TBC1D2B: variants seen among roughly 807,000 people sequenced by gnomAD.
TBC1D2B encodes the protein TBC1 domain family member 2B.
A neutral mutation model predicts 100.8 loss-of-function variants in TBC1D2B; 64 were observed. The observed-to-expected ratio is 0.64, with a 90% CI of 0.52 to 0.78. The LOEUF (loss-of-function observed/expected upper bound fraction) is 0.78. TBC1D2B is among the 30% of genes least tolerant of loss of function. The pLI is 0.00. For synonymous variants in TBC1D2B, 480 were observed against 479.7 expected (o/e 1.00, Z -0.01); for missense variants, 1,052 against 1,218.4 (o/e 0.86, Z 2.03).
Position 77,998,047 on chromosome 15 carries a change from T to C in TBC1D2B, c.*113A>G. ...GAAGGGCAGCCTGGCTTGGGACATCTGCCCAGCAGATCCCCAGAGGACACA... is the reference window on the plus strand; with the variant it reads ...GAAGGGCAGCCTGGCTTGGGACATCCGCCCAGCAGATCCCCAGAGGACACA... On this transcript the variant is annotated 3_prime_UTR_variant, in exon 13 of 13. Coordinates refer to ENST00000300584, the MANE Select transcript of TBC1D2B (RefSeq NM_144572.2). 1.8e-6 allele frequency: 2 copies of C among 1,099,886 alleles called. No individual in the cohort carries two copies. Among genetic ancestry groups the C allele is most frequent in the Non-Finnish European group, 2.5e-6 (2 of 798,442 alleles). 68.1% of individuals were successfully genotyped at this position (1,099,886 alleles called of 1,614,324 possible).
chr15:78,011,275 C>A (rs1011214405), intron 9 of TBC1D2B, among the ~76,000 whole-genome samples: 2 of 152,096 alleles, frequency 1.3e-5, no homozygotes, highest in African/African-American at 4.8e-5. Context: ...AAAATCCTTT[C>A]TTCCTGCAGT....
chr15:78,039,748 T>C (rs1398322960), intron 3 of TBC1D2B, among the ~76,000 whole-genome samples: 1 of 101,726 alleles, frequency 9.8e-6, no homozygotes, highest in Non-Finnish European at 2.0e-5. Flanking sequence ...TAGAGAGGCT[T>C]ACTACACACA....
At chr15:78,044,142 G>A (rs1262772148) in intron 3 of TBC1D2B, among the ~76,000 whole-genome samples, 1 of 152,104 alleles carries the variant, frequency 6.6e-6, no homozygotes, top group Admixed American at 6.5e-5. Flanking sequence ...AGAAGGAACT[G>A]CTAATGTAAT....
chr15:78,050,190 C>T (rs2073283869), intron 2 of TBC1D2B, among the ~76,000 whole-genome samples: 1 of 152,006 alleles, frequency 6.6e-6, no homozygotes. Context: ...CTGAAAGTTA[C>T]AGCTACTCCT....
intron 1 of TBC1D2B, among the ~76,000 whole-genome samples, chr15:78,061,335 G>A (rs956061014): frequency 6.6e-6 from 1 of 152,046 alleles, no homozygotes; most frequent in African/African-American, 2.4e-5. Context: ...CACTTTGGGA[G>A]GCAGAGGCAG....
intron 1 of TBC1D2B, among the ~76,000 whole-genome samples, chr15:78,066,546 C>T (rs2073661082): frequency 6.6e-6 from 1 of 152,174 alleles, no homozygotes; most frequent in Admixed American, 6.5e-5. Context: ...GGGACGAACC[C>T]CACAATCTGC....
chr15:78,053,212 C>T (rs1013609078), intron 2 of TBC1D2B, among the ~76,000 whole-genome samples: 2 of 152,164 alleles, frequency 1.3e-5, no homozygotes, highest in Admixed American at 6.5e-5. Flanking sequence ...GAGGGTCCCA[C>T]GGGTTTTAGG....
At chr15:78,014,477 T>C (rs563804396) in intron 8 of TBC1D2B, among the ~76,000 whole-genome samples, 14 of 152,320 alleles carry the variant, frequency 9.2e-5, no homozygotes, top group African/African-American at 3.4e-4. Flanking sequence ...CACATGGGAA[T>C]ATGGACCATG....
At chr15:78,043,401 C>T (rs1171391437) in intron 3 of TBC1D2B, among the ~76,000 whole-genome samples, 1 of 152,044 alleles carries the variant, frequency 6.6e-6, no homozygotes, top group African/African-American at 2.4e-5. Flanking sequence ...TCTCTTTTTT[C>T]ATTTTTTCTT....
intron 7 of TBC1D2B, 115 bp from the exon 8 acceptor site, chr15:78,016,854 G>A: frequency 1.2e-6 from 1 of 804,708 alleles, no homozygotes; most frequent in South Asian, 2.0e-5. Flanking sequence ...GTGAGCCAGA[G>A]ACAGACTGTA....
intron 3 of TBC1D2B, among the ~76,000 whole-genome samples, chr15:78,040,921 CAGGG>C (rs1395566771): frequency 4.0e-5 from 3 of 75,658 alleles, no homozygotes; most frequent in African/African-American, 8.3e-5. Flanking sequence ...AAAAGGGAGG[CAGGG>C]AGGGAGGAAG....
At position 78,017,964 on chromosome 15, in the gene TBC1D2B, G is replaced by GAAA; in HGVS notation, c.1471-10_1471-8dup. ...TGTACCCCTGTAGATTATCCTGTTA[G>GAAA]AAAAAAAAAAAATCCCTGAATTCAC... On this transcript the variant is annotated splice_region_variant and splice_polypyrimidine_tract_variant and intron_variant, in intron 6 of 12. Coordinates refer to ENST00000300584, the MANE Select transcript of TBC1D2B (RefSeq NM_144572.2). The GAAA allele has an allele frequency of 2.5e-6, 3 of 1,182,052 alleles. No homozygotes were observed. Among genetic ancestry groups the GAAA allele is most frequent in the Admixed American group, 2.6e-5 (1 of 37,934 alleles). 73.2% of individuals were successfully genotyped at this position (1,182,052 alleles called of 1,614,324 possible). A position where few individuals can be genotyped will look rare whatever the true frequency, so the allele number is the denominator to read the frequency against.
At chr15:78,018,466 A>G (rs1337204265) in intron 6 of TBC1D2B, among the ~76,000 whole-genome samples, 2 of 152,260 alleles carry the variant, frequency 1.3e-5, no homozygotes, top group Non-Finnish European at 2.9e-5. Context: ...CCTAAAACGT[A>G]TAAGGCACGT....
intron 1 of TBC1D2B, among the ~76,000 whole-genome samples, chr15:78,057,273 A>G (rs1335008599): frequency 2.0e-5 from 3 of 152,176 alleles, no homozygotes; most frequent in African/African-American, 7.2e-5. Context: ...AATTTGGTCA[A>G]TAAGATGGGC....
In TBC1D2B at chr15:78,024,232, G is replaced by A. The variant is rs1325948303; in HGVS notation, c.1394C>T (p.Pro465Leu). The stretch of plus-strand genomic sequence containing the variant: ...GGAGCTGGGCGCCACGGTGGGAGGA[G>A]GCCCGTTGCCCTCGCCCTCGCTGAG... ...IKLSEGEGNGPPPTVAPSSPS... is the reference protein window; with the variant it reads ...IKLSEGEGNGLPPTVAPSSPS... The change falls in exon 6 of 13, where the codon CCT (proline) becomes CTT (leucine). Residue 465 changes from proline (P) to leucine (L), a missense_variant. Around this residue, in one of 4 missense-constraint regions of TBC1D2B, gnomAD observed 627 missense variants for 646.1 expected, o/e 0.97. Coordinates refer to ENST00000300584, the MANE Select transcript of TBC1D2B (RefSeq NM_144572.2). 1 of 1,613,828 alleles carries A rather than the reference G, an allele frequency of 6.2e-7. No individual in the cohort carries two copies. The highest frequency in any genetic ancestry group is 1.3e-5 in the African/African-American group (1 of 74,946).
intron 10 of TBC1D2B, among the ~76,000 whole-genome samples, chr15:78,006,581 G>A (rs536839470): frequency 4.9e-4 from 75 of 152,340 alleles, no homozygotes; most frequent in African/African-American, 1.8e-3. Flanking sequence ...CTAGGAGGCC[G>A]TGGGCACAGA....
At position 78,077,533 on chromosome 15, in the gene TBC1D2B, A is replaced by C; in HGVS notation, c.120T>G (p.Tyr40Ter). The stretch of plus-strand genomic sequence containing the variant: ...GGCCCTTGCCCGACAGCTTCTGCAG[A>C]TAGCCACACAGCCGCGCTGGCTCCC... ...PAREPARLCGYLQKLSGKGPL... is the reference protein window; with the variant it reads ...PAREPARLCG Residue 40 changes from tyrosine (Y) to a stop codon, truncating the protein, a stop_gained, in exon 1 of 13, where the codon TAT (tyrosine) becomes TAG (stop). Coordinates refer to ENST00000300584, the MANE Select transcript of TBC1D2B (RefSeq NM_144572.2). LOFTEE classifies it high-confidence loss of function. 1 of 1,510,744 alleles carries C rather than the reference A, an allele frequency of 6.6e-7. No individual in the cohort carries two copies. The highest frequency in any genetic ancestry group is 2.8e-5 in the East Asian group (1 of 35,864). 93.6% of individuals were successfully genotyped at this position (1,510,744 alleles called of 1,614,324 possible).
At chr15:78,034,424 G>C (rs1424971113) in intron 3 of TBC1D2B, 1 of 901,464 alleles carries the variant, frequency 1.1e-6, no homozygotes, top group African/African-American at 1.8e-5. Flanking sequence ...CTTCCCTCAG[G>C]TGGCATGTGA....
At chr15:78,017,697 T>G in intron 7 of TBC1D2B, 150 bp downstream of exon 7, 1 of 529,444 alleles carries the variant, frequency 1.9e-6, no homozygotes, top group Non-Finnish European at 3.3e-6. Context: ...TACAGCTCTA[T>G]GTATTATATG....
Sources: gnomAD v4.1 joint callset for allele counts (sites outside exome capture counted in the v4.1 genomes callset) on GRCh38, gnomAD v4.1.1 for gene constraint, gnomAD v4.1.1 regional missense constraint, MANE v1.5 for transcripts, NCBI Gene and HGNC (gene_info 2026-07-23, HGNC 2026-07-21) for gene names.